The following TIGAR variants were observed in gnomAD, a reference collection of about 807,000 sequenced individuals.
The protein encoded by TIGAR is TP53 induced glycolysis regulatory phosphatase.
TIGAR carries 7 observed loss-of-function variants against 17.9 expected under a neutral mutation model. The ratio of observed to expected loss-of-function variants is 0.39; its 90% confidence interval spans 0.22 to 0.73. TIGAR has a LOEUF of 0.73. TIGAR is among the 30% of genes least tolerant of loss of function. TIGAR has a pLI of 0.42. For synonymous variants in TIGAR, 94 were observed against 108.6 expected (o/e 0.87, Z 0.84); for missense variants, 258 against 327.4 (o/e 0.79, Z 1.64).
intron 4 of TIGAR, among the ~76,000 whole-genome samples, chr12:4,350,122 A>C (rs1389538282): frequency 1.3e-5 from 2 of 152,256 alleles, no homozygotes; most frequent in Non-Finnish European, 2.9e-5. Flanking sequence ...AGGTACGCTC[A>C]TAAGAACTTA....
chr12:4,331,356 G>A (rs1004524617), intron 2 of TIGAR, 39 bp downstream of exon 2: 1 of 1,588,170 alleles, frequency 6.3e-7, no homozygotes, highest in African/African-American at 1.3e-5. Context: ...TCTCACCCTT[G>A]TGTTAATAAG....
At chr12:4,331,345 C>T in intron 2 of TIGAR, 28 bp downstream of exon 2, 1 of 1,600,578 alleles carries the variant, frequency 6.2e-7, no homozygotes. Context: ...GTTATTTTAG[C>T]TCTCACCCTT....
In TIGAR at chr12:4,356,314, A is replaced by G. The variant is rs1864900660; in HGVS notation, c.*3623A>G. Among the ~76,000 whole-genome samples the G allele has an allele frequency of 6.6e-6, 1 of 152,206 alleles. No individual in the cohort carries two copies. Among genetic ancestry groups the G allele is most frequent in the Non-Finnish European group, 1.5e-5 (1 of 68,032 alleles). The stretch of plus-strand genomic sequence containing the variant: ...TCTCATCCTCCCATCTGTGAATGTC[A>G]TAGATCTCTCATTTTGCCTGAGTCT... On this transcript the variant is annotated 3_prime_UTR_variant, in exon 6 of 6. Coordinates refer to ENST00000179259, the MANE Select transcript of TIGAR (RefSeq NM_020375.3).
chr12:4,324,935 G>A, intron 1 of TIGAR: 1 of 217,116 alleles, frequency 4.6e-6, no homozygotes. Context: ...AAGTTTTTTT[G>A]TTTTTGCTTT....
chr12:4,331,182 A>AT (rs1252707170), intron 1 of TIGAR, 98 bp from the exon 2 acceptor site: 6 of 1,037,492 alleles, frequency 5.8e-6, no homozygotes, highest in African/African-American at 1.6e-5. Flanking sequence ...TTCACATGAT[A>AT]TTTTTAGAGT....
intron 2 of TIGAR, among the ~76,000 whole-genome samples, chr12:4,332,564 A>C (rs1864615643): frequency 6.6e-6 from 1 of 152,180 alleles, no homozygotes; most frequent in African/African-American, 2.4e-5. Flanking sequence ...TATATTCCTA[A>C]GTACTGTTTT....
At chr12:4,338,975 C>CAA (rs199840929) in intron 3 of TIGAR, among the ~76,000 whole-genome samples, 2,660 of 37,402 alleles carry the variant, frequency 0.071, 249 homozygotes, top group Middle Eastern at 0.14. Context: ...AACTTTGTCT[C>CAA]ACAAAAAAAA....
chr12:4,343,829 C>T (rs1400319990), intron 3 of TIGAR, among the ~76,000 whole-genome samples: 3 of 152,078 alleles, frequency 2.0e-5, no homozygotes, highest in African/African-American at 4.8e-5. Context: ...ACTAGAGAAG[C>T]AAGAGCAAAC....
chr12:4,335,379 G>A (rs575196670), intron 2 of TIGAR, among the ~76,000 whole-genome samples: 2 of 151,730 alleles, frequency 1.3e-5, no homozygotes, highest in Non-Finnish European at 2.9e-5. Context: ...TTAGATGCAT[G>A]TTATAGACTG....
intron 1 of TIGAR, among the ~76,000 whole-genome samples, chr12:4,328,483 C>T (rs547175226): frequency 6.6e-6 from 1 of 151,242 alleles, no homozygotes; most frequent in Admixed American, 6.6e-5. Context: ...TGAGCCACTG[C>T]ATGTGGCCTA....
At chr12:4,333,242 A>T (rs1864622292) in intron 2 of TIGAR, among the ~76,000 whole-genome samples, 2 of 151,552 alleles carry the variant, frequency 1.3e-5, no homozygotes, top group Admixed American at 1.3e-4. Context: ...GTGTTATCTC[A>T]TAAATAGTAT....
chr12:4,329,674 C>A (rs1421092230), intron 1 of TIGAR, among the ~76,000 whole-genome samples: 2 of 152,082 alleles, frequency 1.3e-5, no homozygotes, highest in Non-Finnish European at 2.9e-5. Flanking sequence ...TTCAGTTATT[C>A]CCAGTAATTG....
At chr12:4,343,825 G>T (rs1169378884) in intron 3 of TIGAR, among the ~76,000 whole-genome samples, 1 of 152,146 alleles carries the variant, frequency 6.6e-6, no homozygotes, top group South Asian at 2.1e-4. Context: ...AAGAACTAGA[G>T]AAGCAAGAGC....
chr12:4,327,931 G>A lies in TIGAR; in HGVS notation c.33-3349G>A, dbSNP rs573530229. The stretch of plus-strand genomic sequence containing the variant: ...TCCGCCTGCTTCGGCCTCCCAAAGT[G>A]CTGGGATTACAGGCATGAGCCACCG... On this transcript the variant is annotated intron_variant, in intron 1 of 5. Coordinates refer to ENST00000179259, the MANE Select transcript of TIGAR (RefSeq NM_020375.3). Among the ~76,000 whole-genome samples the A allele has an allele frequency of 3.9e-5, 6 of 152,248 alleles. No homozygotes were observed. In the East Asian group the frequency reaches 1.2e-3, roughly 29 times the overall value.
chr12:4,336,475 C>CAG (rs1565447606), intron 2 of TIGAR, among the ~76,000 whole-genome samples: 2 of 151,148 alleles, frequency 1.3e-5, no homozygotes, highest in East Asian at 2.0e-4. Context: ...CACACACACA[C>CAG]ACACACACAC....
rs777711454 is a variant in TIGAR, at chr12:4,332,238, C to CTTTTTT, written c.70+938_70+943dup. 6.3e-3 allele frequency among the ~76,000 whole-genome samples: 599 copies of CTTTTTT among 95,290 alleles called. 9 individuals are homozygous for CTTTTTT. Among genetic ancestry groups the CTTTTTT allele is most frequent in the Non-Finnish European group, 7.6e-3 (394 of 51,680 alleles). The allele number at this position is 95,290 out of a possible 152,430, so 62.5% of individuals were successfully genotyped here. On this transcript the variant is annotated intron_variant, in intron 2 of 5. Coordinates refer to ENST00000179259, the MANE Select transcript of TIGAR (RefSeq NM_020375.3). ...ATAAGCATTCAAGGCTCATGTATTTCTTTTTTTTTTTTTTTTTTTTTTGAG... is the reference window on the plus strand; with the variant it reads ...ATAAGCATTCAAGGCTCATGTATTTCTTTTTTTTTTTTTTTTTTTTTTTTTTTTGAG...
At chr12:4,326,891 G>A (rs1007472073) in intron 1 of TIGAR, among the ~76,000 whole-genome samples, 2 of 152,114 alleles carry the variant, frequency 1.3e-5, no homozygotes, top group African/African-American at 4.8e-5. Flanking sequence ...TTTCTTGGTT[G>A]GCAAATTATT....
chr12:4,344,197 T>G (rs1175060508), intron 3 of TIGAR, among the ~76,000 whole-genome samples: 1 of 152,204 alleles, frequency 6.6e-6, no homozygotes, highest in Non-Finnish European at 1.5e-5. Context: ...AATCTCTGAT[T>G]AGACCAGTAA....
At chr12:4,333,755 C>T (rs555584625) in intron 2 of TIGAR, among the ~76,000 whole-genome samples, 66 of 152,228 alleles carry the variant, frequency 4.3e-4, no homozygotes, top group African/African-American at 1.4e-3. Context: ...TTAGCCACCG[C>T]GCCTGGCCTA....
Sources: gnomAD v4.1 joint callset for allele counts (sites outside exome capture counted in the v4.1 genomes callset) on GRCh38, gnomAD v4.1.1 for gene constraint, MANE v1.5 for transcripts, NCBI Gene and HGNC (gene_info 2026-07-23, HGNC 2026-07-21) for gene names.